Variants in CTNNB1 observed in about 807,000 individuals in gnomAD.
The protein encoded by CTNNB1 is catenin beta-1.
Under a neutral mutation model 82.5 loss-of-function variants are expected in CTNNB1, and 6 were observed. That is an observed-to-expected ratio of 0.07 (90% CI 0.04 to 0.14). The LOEUF is 0.14. CTNNB1 is among the 10% of genes least tolerant of loss of function. The pLI is 1.00. For missense variants in CTNNB1, 529 were observed against 980.4 expected (o/e 0.54, Z 6.15); for synonymous variants, 312 against 329.7 (o/e 0.95, Z 0.58).
At position 41,199,639 on chromosome 3, in the gene CTNNB1, C is replaced by G. The variant is rs2077475348; in HGVS notation, c.-80C>G. ...CCACCGCAGGTCGAGGACGGTCGGA[C>G]TCCCGCGGCGGGAGGAGCCTGTTCC... On this transcript the variant is annotated 5_prime_UTR_variant, in exon 1 of 15. Coordinates refer to ENST00000349496, the MANE Select transcript of CTNNB1 (RefSeq NM_001904.4). 6.6e-6 allele frequency: 1 copy of G among 152,300 alleles called. No individual in the cohort carries two copies. The highest frequency in any genetic ancestry group is 1.5e-5 in the Non-Finnish European group (1 of 68,206). The allele number at this position is 152,300 out of a possible 1,614,324, so 9.4% of individuals were successfully genotyped here. A position where few individuals can be genotyped will look rare whatever the true frequency, so the allele number is the denominator to read the frequency against.
chr3:41,239,610 T>TAACA lies in CTNNB1; in HGVS notation c.*269_*272dup. The TAACA allele has an allele frequency of 1.9e-6, 1 of 517,006 alleles. No individual in the cohort carries two copies. Among genetic ancestry groups the TAACA allele is most frequent in the Non-Finnish European group, 3.5e-6 (1 of 284,468 alleles). 32.0% of individuals were successfully genotyped at this position (517,006 alleles called of 1,614,324 possible). ...TTTTGCAACTTAATACTCAAATGAG[T>TAACA]AACATTTGCTGTTTTAAACATTAAT... On this transcript the variant is annotated 3_prime_UTR_variant, in exon 15 of 15. Coordinates refer to ENST00000349496, the MANE Select transcript of CTNNB1 (RefSeq NM_001904.4).
intron 1 of CTNNB1, among the ~76,000 whole-genome samples, chr3:41,212,910 C>G (rs1368977820): frequency 6.6e-6 from 1 of 152,176 alleles, no homozygotes; most frequent in Non-Finnish European, 1.5e-5. Flanking sequence ...ACTACTTGTC[C>G]CTAGTGCCAC....
chr3:41,234,006 G>T (rs768657769), intron 9 of CTNNB1, 133 bp from the exon 10 acceptor site: 3 of 1,422,566 alleles, frequency 2.1e-6, no homozygotes, highest in South Asian at 1.2e-5. Flanking sequence ...GCTGCGATAG[G>T]GGTAAGATTC....
Position 41,240,321 on chromosome 3 carries a change from C to CTTGT in CTNNB1, c.*982_*985dup, listed in dbSNP as rs1447576189. ...ATCAGTAAGAGGTGTTATTTGGAAC[C>CTTGT]TTGTTTTGGACAGTTTACCAGTTGC... On this transcript the variant is annotated 3_prime_UTR_variant, in exon 15 of 15. Transcript: ENST00000349496. The CTTGT allele has an allele frequency of 5.2e-6, 1 of 191,044 alleles. No individual in the cohort carries two copies. Among genetic ancestry groups the CTTGT allele is most frequent in the African/African-American group, 2.3e-5 (1 of 42,944 alleles). 11.8% of individuals were successfully genotyped at this position (191,044 alleles called of 1,614,324 possible).
chr3:41,209,557 A>C (rs2077729414), intron 1 of CTNNB1, among the ~76,000 whole-genome samples: 1 of 152,160 alleles, frequency 6.6e-6, no homozygotes, highest in African/African-American at 2.4e-5. Context: ...TATGATGGGG[A>C]TACATTCAGA....
chr3:41,225,443 T>C lies in CTNNB1; in HGVS notation c.605T>C (p.Met202Thr), dbSNP rs587778222. 4 of 1,613,816 alleles carry C rather than the reference T, an allele frequency of 2.5e-6. No individual in the cohort carries two copies. Among genetic ancestry groups the C allele is most frequent in the Non-Finnish European group, 3.4e-6 (4 of 1,179,960 alleles). Residue 202 changes from methionine (M) to threonine (T), a missense_variant, in exon 5 of 15, where the codon ATG becomes ACG. By Grantham distance (81) the Met-to-Thr change is moderately conservative. This residue lies in a region of CTNNB1 where 411 missense variants were observed against 776.4 expected (regional missense o/e 0.53). Coordinates refer to ENST00000349496, the MANE Select transcript of CTNNB1 (RefSeq NM_001904.4). The surrounding 1 kb of genome is among the most constrained non-coding windows in gnomAD (Gnocchi z 5.3). ...PQMVSAIVRT[M>T]QNTNDVETAR... Reference sequence around the variant, plus strand: ...ATGGTGTCTGCTATTGTACGTACCATGCAGAATACAAATGATGTAGAAACA... The same window carrying C: ...ATGGTGTCTGCTATTGTACGTACCACGCAGAATACAAATGATGTAGAAACA...
chr3:41,201,640 AGTCCTGAGTCT>A (rs1180412155), intron 1 of CTNNB1, among the ~76,000 whole-genome samples: 53 of 152,234 alleles, frequency 3.5e-4, no homozygotes, highest in Non-Finnish European at 2.8e-4. Flanking sequence ...AGTCCTGTGG[AGTCCTGAGTCT>A]CCCACAGACC....
chr3:41,219,361 A>C (rs1425696455), intron 1 of CTNNB1, among the ~76,000 whole-genome samples: 2 of 152,210 alleles, frequency 1.3e-5, no homozygotes, highest in Admixed American at 6.5e-5. Flanking sequence ...ATGTTACCAT[A>C]ATCTAATTAT....
At chr3:41,202,058 T>C (rs936024874) in intron 1 of CTNNB1, among the ~76,000 whole-genome samples, 2 of 152,212 alleles carry the variant, frequency 1.3e-5, no homozygotes, top group African/African-American at 4.8e-5. Context: ...CTAAGTATTG[T>C]TGAAACTAGG....
chr3:41,238,315 C>T (rs770206874), intron 14 of CTNNB1: 19 of 549,770 alleles, frequency 3.5e-5, no homozygotes, highest in Non-Finnish European at 4.9e-5. Context: ...TACTGCTAGG[C>T]CTCTGCAGTG....
intron 1 of CTNNB1, among the ~76,000 whole-genome samples, chr3:41,208,040 G>A (rs772629454): frequency 6.6e-6 from 1 of 151,896 alleles, no homozygotes; most frequent in Non-Finnish European, 1.5e-5. Context: ...AACCTTCCTG[G>A]GTCATTCACA....
intron 1 of CTNNB1, among the ~76,000 whole-genome samples, chr3:41,202,342 G>T (rs774078816): frequency 6.6e-6 from 1 of 152,146 alleles, no homozygotes; most frequent in Non-Finnish European, 1.5e-5. Flanking sequence ...CCAACCCGGG[G>T]CACAAAGGAT....
rs147382769 is a variant in CTNNB1, at chr3:41,225,421, G to C, written c.583G>C (p.Val195Leu). ...RHAIMRSPQMVSAIVRTMQNT... is the reference protein window; with the variant it reads ...RHAIMRSPQMLSAIVRTMQNT... ...CGCTATCATGCGTTCTCCTCAGATGGTGTCTGCTATTGTACGTACCATGCA... is the reference window on the plus strand; with the variant it reads ...CGCTATCATGCGTTCTCCTCAGATGCTGTCTGCTATTGTACGTACCATGCA... Residue 195 changes from valine (V) to leucine (L), a missense_variant, in exon 5 of 15, where the codon GTG (valine) becomes CTG (leucine). Val to Leu is a conservative substitution (Grantham distance 32). Transcript: ENST00000349496. This position sits in a 1 kb window ranked among gnomAD's most constrained non-coding sequence, Gnocchi z 5.3. 143 of 1,613,782 alleles carry C rather than the reference G, an allele frequency of 8.9e-5. No homozygotes were observed. The highest frequency in any genetic ancestry group is 1.2e-4 in the Non-Finnish European group (139 of 1,179,984).
intron 3 of CTNNB1, 96 bp from the exon 4 acceptor site, chr3:41,224,858 G>A (rs2125618958): frequency 6.2e-7 from 1 of 1,601,594 alleles, no homozygotes; most frequent in East Asian, 2.2e-5. Context: ...GTGAAGAAAA[G>A]AGAGTAATAG....
At chr3:41,217,834 G>A (rs888696805) in intron 1 of CTNNB1, among the ~76,000 whole-genome samples, 1 of 152,026 alleles carries the variant, frequency 6.6e-6, no homozygotes, top group African/African-American at 2.4e-5. Flanking sequence ...TTCTTTCCCT[G>A]CAGTATGATT....
At chr3:41,222,857 A>C (rs1285586905) in intron 1 of CTNNB1, among the ~76,000 whole-genome samples, 1 of 152,176 alleles carries the variant, frequency 6.6e-6, no homozygotes, top group South Asian at 2.1e-4. Flanking sequence ...GCAGAAATAC[A>C]TTGGAGGCTG....
At chr3:41,228,132 T>G (rs1374274028) in intron 7 of CTNNB1, among the ~76,000 whole-genome samples, 1 of 152,160 alleles carries the variant, frequency 6.6e-6, no homozygotes, top group African/African-American at 2.4e-5. Flanking sequence ...TGATGGGCAT[T>G]TAGGTTAATT....
At chr3:41,206,499 G>A (rs1559455105) in intron 1 of CTNNB1, among the ~76,000 whole-genome samples, 1 of 152,074 alleles carries the variant, frequency 6.6e-6, no homozygotes. Flanking sequence ...AATTTCTTGG[G>A]AGTGCAATTT....
intron 1 of CTNNB1, 100 bp downstream of exon 1, chr3:41,199,770 G>A: frequency 6.6e-6 from 1 of 152,008 alleles, no homozygotes; most frequent in Non-Finnish European, 1.5e-5. Context: ...CGGGCTGGGC[G>A]CAGCCGGGAG....
Sources: allele counts gnomAD v4.1 joint callset (sites outside exome capture counted in the v4.1 genomes callset), GRCh38; gene constraint gnomAD v4.1.1; regional missense constraint gnomAD v4.1.1; non-coding constraint Gnocchi (gnomAD v3.1); transcripts MANE v1.5; gene names NCBI Gene and HGNC (gene_info 2026-07-23, HGNC 2026-07-21).